The following LPAR1 variants were observed in gnomAD, a reference collection of about 807,000 sequenced individuals.
LPAR1 encodes the protein lysophosphatidic acid receptor 1.
A neutral mutation model predicts 23.8 loss-of-function variants in LPAR1; 5 were observed. The observed-to-expected ratio is 0.21, with a 90% CI of 0.11 to 0.44. The LOEUF (loss-of-function observed/expected upper bound fraction) is 0.44, where lower values mean the gene tolerates loss of function less well. LPAR1 is among the 20% of genes least tolerant of loss of function. The pLI is 0.99. For synonymous variants in LPAR1, 160 were observed against 164.7 expected (o/e 0.97, Z 0.22); for missense variants, 311 against 482.8 (o/e 0.64, Z 3.33).
At chr9:110,968,407 A>G (rs1588600027) in intron 4 of LPAR1, among the ~76,000 whole-genome samples, 1 of 152,114 alleles carries the variant, frequency 6.6e-6, no homozygotes, top group African/African-American at 2.4e-5. Flanking sequence ...ATCCAAAACA[A>G]AATTCTAAAT....
chr9:110,966,949 G>T (rs1032870799), intron 4 of LPAR1, among the ~76,000 whole-genome samples: 1 of 152,170 alleles, frequency 6.6e-6, no homozygotes, highest in African/African-American at 2.4e-5. Context: ...CACAGTGCTA[G>T]AAACAGAAAA....
intron 2 of LPAR1, among the ~76,000 whole-genome samples, chr9:110,988,987 A>T (rs1223835245): frequency 6.6e-6 from 1 of 152,212 alleles, no homozygotes; most frequent in Non-Finnish European, 1.5e-5. Flanking sequence ...ATACTACAAC[A>T]TGCAGTATTG....
rs564746824 is a variant in LPAR1, at chr9:110,962,111, C to T, written c.45+9962G>A. Among the ~76,000 whole-genome samples the T allele has an allele frequency of 5.3e-5, 8 of 152,248 alleles. No homozygotes were observed. The South Asian group carries it at 1.7e-3, about 32-fold the overall frequency. On this transcript the variant is annotated intron_variant, in intron 4 of 5. Coordinates refer to ENST00000683809, the MANE Select transcript of LPAR1 (RefSeq NM_001351411.2). ...TAACTTCAGTGTTGCCCTAGTTTTC[C>T]AGCTAGTTTTGAATGAGACAGTGGA...
intron 2 of LPAR1, among the ~76,000 whole-genome samples, chr9:111,034,606 T>G (rs1161236731): frequency 6.6e-6 from 1 of 152,156 alleles, no homozygotes; most frequent in African/African-American, 2.4e-5. Context: ...TTCTACAACC[T>G]TTATATAATT....
intron 5 of LPAR1, among the ~76,000 whole-genome samples, chr9:110,920,970 AAT>A (rs1491245223): frequency 1.1e-4 from 15 of 141,242 alleles, no homozygotes; most frequent in African/African-American, 3.7e-4. Context: ...AACAACAACA[AAT>A]TTTTTTTTTT....
intron 2 of LPAR1, among the ~76,000 whole-genome samples, chr9:110,975,217 C>A (rs545539187): frequency 5.9e-5 from 9 of 152,058 alleles, no homozygotes; most frequent in African/African-American, 1.9e-4. Context: ...TAGAGAGTTG[C>A]CTAAAAGGTA....
At chr9:110,905,514 T>C (rs2090962968) in intron 5 of LPAR1, among the ~76,000 whole-genome samples, 1 of 151,838 alleles carries the variant, frequency 6.6e-6, no homozygotes, top group Non-Finnish European at 1.5e-5. Flanking sequence ...ACTCAGCTAA[T>C]TTTTTATTAT....
intron 4 of LPAR1, among the ~76,000 whole-genome samples, chr9:110,954,836 C>T (rs2095685374): frequency 6.6e-6 from 1 of 152,136 alleles, no homozygotes; most frequent in South Asian, 2.1e-4. Context: ...CTAGACCATA[C>T]CTACAAGAAA....
At chr9:110,900,679 A>G (rs1302519313) in intron 5 of LPAR1, among the ~76,000 whole-genome samples, 1 of 152,224 alleles carries the variant, frequency 6.6e-6, no homozygotes, top group East Asian at 1.9e-4. Context: ...ATAAAATTAC[A>G]TTTTAAATGC....
intron 3 of LPAR1, among the ~76,000 whole-genome samples, chr9:110,973,118 G>A (rs1241553470): frequency 2.0e-5 from 3 of 152,058 alleles, no homozygotes; most frequent in Non-Finnish European, 4.4e-5. Flanking sequence ...TATTCAGAAC[G>A]GTGTGCAATT....
intron 5 of LPAR1, among the ~76,000 whole-genome samples, chr9:110,924,396 A>G (rs2093856225): frequency 6.6e-6 from 1 of 152,226 alleles, no homozygotes; most frequent in South Asian, 2.1e-4. Flanking sequence ...GGTATGCATT[A>G]TATGAATTGA....
intron 5 of LPAR1, among the ~76,000 whole-genome samples, chr9:110,881,706 T>C (rs925804760): frequency 6.6e-6 from 1 of 152,214 alleles, no homozygotes; most frequent in African/African-American, 2.4e-5. Flanking sequence ...GAGCAATACC[T>C]TTTATCTGCC....
intron 5 of LPAR1, among the ~76,000 whole-genome samples, chr9:110,934,024 C>G (rs901681511): frequency 6.6e-6 from 1 of 152,192 alleles, no homozygotes; most frequent in African/African-American, 2.4e-5. Flanking sequence ...AGGACTGTCT[C>G]CTGGCCACCA....
chr9:110,954,705 CA>C (rs2095679661), intron 4 of LPAR1, among the ~76,000 whole-genome samples: 1 of 151,854 alleles, frequency 6.6e-6, no homozygotes, highest in Admixed American at 6.6e-5. Context: ...AGGAAAAAAA[CA>C]AACAAACAAA....
chr9:110,941,664 C>A lies in LPAR1; in HGVS notation c.550G>T (p.Val184Leu). 6.2e-7 allele frequency: 1 copy of A among 1,614,214 alleles called. No homozygotes were observed. Among genetic ancestry groups the A allele is most frequent in the Non-Finnish European group, 8.5e-7 (1 of 1,180,028 alleles). The change falls in exon 5 of 6, where the codon GTG becomes TTG. Residue 184 changes from valine to leucine, a missense_variant. Val to Leu is a conservative substitution (Grantham distance 32, BLOSUM62 1). Transcript: ENST00000683809. This position sits in a 1 kb window ranked among gnomAD's most constrained non-coding sequence, Gnocchi z 6.1. Reference protein sequence around the residue: ...MAIVMGAIPSVGWNCICDIEN... With the variant: ...MAIVMGAIPSLGWNCICDIEN... ...ATATCACAGATACAGTTCCAGCCCA[C>A]ACTGGGTATAGCACCCATAACGATG...
At position 111,017,503 on chromosome 9, in the gene LPAR1, T is replaced by A. The variant is rs1288996451; in HGVS notation, c.-182+18619A>T. On this transcript the variant is annotated intron_variant, in intron 2 of 5. Coordinates refer to ENST00000683809, the MANE Select transcript of LPAR1 (RefSeq NM_001351411.2). ...TTATTTCCCCAAGGCACAAAAGTGG[T>A]CCCTGACTGTAATATCAATGGCATC... 2.0e-5 allele frequency among the ~76,000 whole-genome samples: 3 copies of A among 152,332 alleles called. No individual in the cohort carries two copies. The South Asian group carries it at 6.2e-4, about 32-fold the overall frequency.
intron 4 of LPAR1, among the ~76,000 whole-genome samples, chr9:110,955,502 A>G (rs2095708140): frequency 6.6e-6 from 1 of 152,198 alleles, no homozygotes; most frequent in Admixed American, 6.5e-5. Flanking sequence ...CCCCACTCTC[A>G]GCATTGGGAA....
At chr9:110,887,370 A>G (rs1462456635) in intron 5 of LPAR1, among the ~76,000 whole-genome samples, 1 of 152,084 alleles carries the variant, frequency 6.6e-6, no homozygotes, top group African/African-American at 2.4e-5. Context: ...AATTTTTAAT[A>G]GCCAAAAGAC....
intron 2 of LPAR1, among the ~76,000 whole-genome samples, chr9:110,986,494 CA>C (rs1342507114): frequency 1.3e-5 from 2 of 151,800 alleles, no homozygotes; most frequent in Non-Finnish European, 2.9e-5. Flanking sequence ...TGCTTGAGCC[CA>C]GGAGTTTGAG....
Sources: allele counts gnomAD v4.1 joint callset (sites outside exome capture counted in the v4.1 genomes callset), GRCh38; gene constraint gnomAD v4.1.1; non-coding constraint Gnocchi (gnomAD v3.1); transcripts MANE v1.5; gene names NCBI Gene and HGNC (gene_info 2026-07-23, HGNC 2026-07-21).